Variants in RTF1 observed in about 807,000 individuals in gnomAD.
RTF1 encodes the protein RNA polymerase-associated protein RTF1 homolog.
RTF1 carries 10 observed loss-of-function variants against 95.7 expected under a neutral mutation model. The ratio of observed to expected loss-of-function variants is 0.10; its 90% CI spans 0.06 to 0.18. The LOEUF (loss-of-function observed/expected upper bound fraction) is 0.18, where lower values mean the gene tolerates loss of function less well. RTF1 is among the 10% of genes least tolerant of loss of function. The pLI is 1.00. For synonymous variants in RTF1, 305 were observed against 311.8 expected (o/e 0.98, Z 0.23); for missense variants, 458 against 875.6 (o/e 0.52, Z 6.02).
At chr15:41,453,100 G>A in intron 3 of RTF1, 52 bp downstream of exon 3, 2 of 1,474,984 alleles carry the variant, frequency 1.4e-6, no homozygotes, top group Non-Finnish European at 1.8e-6. Flanking sequence ...TTGTCAGCTT[G>A]AAGGTGCAAA....
rs1225710942 is a variant in RTF1 at position 41,473,124 on chromosome 15, TTTTTG to T, written c.1204-1476_1204-1472del. Among the ~76,000 whole-genome samples, 12 of 152,066 alleles carry T rather than the reference TTTTTG, an allele frequency of 7.9e-5. 1 individual carries two copies. Among genetic ancestry groups the T allele is most frequent in the Middle Eastern group, 6.8e-3 (2 of 294 alleles). On this transcript the variant is annotated intron_variant, in intron 8 of 17. Coordinates refer to ENST00000389629, the MANE Select transcript of RTF1 (RefSeq NM_015138.5). ...GCCTCCTAAAGTGCTTGGTGTTGGT[TTTTTG>T]TTTTGTTTTGTTTTGTTTTTTTGAG... is the stretch of plus-strand genomic sequence containing the variant.
chr15:41,444,096 A>G (rs2050748976), intron 2 of RTF1, among the ~76,000 whole-genome samples: 1 of 150,834 alleles, frequency 6.6e-6, no homozygotes, highest in African/African-American at 2.4e-5. Flanking sequence ...AGAAAAATTA[A>G]AAAAAAATTT....
At chr15:41,474,344 C>A (rs74012297) in intron 8 of RTF1, among the ~76,000 whole-genome samples, 2,253 of 152,306 alleles carry the variant, frequency 0.015, 65 homozygotes, top group African/African-American at 0.052. Flanking sequence ...CCAAATACAT[C>A]CCTTGTAAGT....
intron 8 of RTF1, among the ~76,000 whole-genome samples, chr15:41,473,442 GTTT>G (rs756423671): frequency 7.2e-6 from 1 of 138,570 alleles, no homozygotes; most frequent in African/African-American, 2.6e-5. Context: ...CAGGTGTTGG[GTTT>G]TTTTTTTTTT....
intron 2 of RTF1, among the ~76,000 whole-genome samples, chr15:41,444,537 C>T (rs1315574007): frequency 1.3e-5 from 2 of 152,036 alleles, no homozygotes; most frequent in African/African-American, 2.4e-5. Flanking sequence ...TCAGGTGATC[C>T]GCCTGCCTCG....
intron 2 of RTF1, among the ~76,000 whole-genome samples, chr15:41,446,496 G>A (rs538339134): frequency 6.6e-6 from 1 of 152,174 alleles, no homozygotes; most frequent in East Asian, 1.9e-4. Context: ...AACCCAGGAG[G>A]TGGAGGTTGC....
At chr15:41,426,335 T>C (rs982263697) in intron 1 of RTF1, among the ~76,000 whole-genome samples, 5 of 151,352 alleles carry the variant, frequency 3.3e-5, no homozygotes, top group African/African-American at 1.2e-4. Flanking sequence ...GGATAGAGTC[T>C]CGCTCTGTCG....
intron 1 of RTF1, among the ~76,000 whole-genome samples, chr15:41,421,197 C>T (rs1458812973): frequency 6.6e-6 from 1 of 152,112 alleles, no homozygotes; most frequent in African/African-American, 2.4e-5. Context: ...TGGCTCATAC[C>T]TGTAATCCCA....
intron 1 of RTF1, among the ~76,000 whole-genome samples, chr15:41,429,634 C>T (rs2050658571): frequency 6.6e-6 from 1 of 152,108 alleles, no homozygotes; most frequent in Non-Finnish European, 1.5e-5. Context: ...CTCCTGCTTG[C>T]CTGCTAAACT....
At chr15:41,460,272 G>A (rs918766130) in intron 4 of RTF1, among the ~76,000 whole-genome samples, 4 of 151,826 alleles carry the variant, frequency 2.6e-5, no homozygotes, top group African/African-American at 7.2e-5. Flanking sequence ...ACAGACGCCC[G>A]CCACAACGCC....
At chr15:41,434,663 T>C (rs1271084005) in intron 1 of RTF1, among the ~76,000 whole-genome samples, 1 of 151,320 alleles carries the variant, frequency 6.6e-6, no homozygotes. Context: ...AGTCTTGCAC[T>C]GTCACCCGGG....
intron 4 of RTF1, among the ~76,000 whole-genome samples, chr15:41,460,048 G>A (rs570890341): frequency 6.6e-6 from 1 of 151,474 alleles, no homozygotes; most frequent in African/African-American, 2.4e-5. Context: ...AGTATGCTGA[G>A]TTATCCTAGA....
chr15:41,440,934 A>G (rs947116226), intron 2 of RTF1, among the ~76,000 whole-genome samples: 3 of 150,818 alleles, frequency 2.0e-5, no homozygotes, highest in Non-Finnish European at 4.4e-5. Flanking sequence ...ATACAGAAAA[A>G]CCTTGAAATA....
chr15:41,434,526 A>C (rs2050692089), intron 1 of RTF1, among the ~76,000 whole-genome samples: 1 of 151,910 alleles, frequency 6.6e-6, no homozygotes, highest in Non-Finnish European at 1.5e-5. Context: ...GGGAGAAGGG[A>C]TGTATAAAGA....
At chr15:41,430,217 C>T (rs181333118) in intron 1 of RTF1, among the ~76,000 whole-genome samples, 3 of 148,284 alleles carry the variant, frequency 2.0e-5, no homozygotes, top group East Asian at 4.1e-4. Flanking sequence ...CTCGCTGCCC[C>T]CTAGGCTGGA....
intron 1 of RTF1, among the ~76,000 whole-genome samples, chr15:41,427,420 G>A (rs2050641343): frequency 6.6e-6 from 1 of 152,140 alleles, no homozygotes; most frequent in African/African-American, 2.4e-5. Flanking sequence ...CAAAGTGCTG[G>A]GATTACAGGC....
intron 14 of RTF1, 74 bp downstream of exon 14, chr15:41,477,589 A>G (rs920357607): frequency 6.4e-6 from 9 of 1,403,530 alleles, no homozygotes; most frequent in East Asian, 2.3e-5. Flanking sequence ...CATCTTGCCT[A>G]AGTTTATTTT....
rs759470547 is a variant in RTF1, at chr15:41,434,772, C to T, written c.199-3549C>T. Among the ~76,000 whole-genome samples, 14 of 151,724 alleles carry T rather than the reference C, an allele frequency of 9.2e-5. No individual in the cohort carries two copies. In the East Asian group the frequency reaches 9.7e-4, roughly 11 times the overall value. ...CCTCCCGAGTAGCTGGGATTACAGG[C>T]GCACATCACCATGCCCGGCTAATTT... On this transcript the variant is annotated intron_variant, in intron 1 of 17. Transcript: ENST00000389629.
intron 7 of RTF1, among the ~76,000 whole-genome samples, 184 bp downstream of exon 7, chr15:41,470,576 A>G (rs191942436): frequency 3.4e-5 from 5 of 148,578 alleles, no homozygotes; most frequent in Non-Finnish European, 7.4e-5. Context: ...ACGCTTAGAC[A>G]TTTCACCTGG....
Sources: allele counts gnomAD v4.1 joint callset (sites outside exome capture counted in the v4.1 genomes callset), GRCh38; gene constraint gnomAD v4.1.1; transcripts MANE v1.5; gene names NCBI Gene and HGNC (gene_info 2026-07-23, HGNC 2026-07-21).